DGKB: variants seen among roughly 807,000 people sequenced by gnomAD.
DGKB encodes diacylglycerol kinase beta.
DGKB carries 67 observed loss-of-function variants against 114.3 expected under a neutral mutation model. That is an observed-to-expected ratio of 0.59 (90% confidence interval 0.48 to 0.72). The LOEUF (loss-of-function observed/expected upper bound fraction) is 0.72, where lower values mean the gene tolerates loss of function less well. Ranked by LOEUF, DGKB falls within the 30% of genes least tolerant of loss-of-function variation. DGKB has a pLI of 0.00. For synonymous variants in DGKB, 398 were observed against 323.1 expected (o/e 1.23, Z -2.49); for missense variants, 907 against 975.2 (o/e 0.93, Z 0.93).
chr7:14,774,064 T>C (rs769998575), intron 2 of DGKB, among the ~76,000 whole-genome samples: 1 of 152,150 alleles, frequency 6.6e-6, no homozygotes, highest in African/African-American at 2.4e-5. Flanking sequence ...ACTCCATTAG[T>C]GTTATTTATT....
chr7:14,302,523 A>G lies in DGKB; in HGVS notation c.2122+35992T>C, dbSNP rs139210570. Among the ~76,000 whole-genome samples, 70 of 152,094 alleles carry G rather than the reference A, an allele frequency of 4.6e-4. 1 individual carries two copies. The East Asian group carries it at 0.012, about 27-fold the overall frequency. On this transcript the variant is annotated intron_variant, in intron 23 of 25. Coordinates refer to ENST00000402815, the MANE Select transcript of DGKB (RefSeq NM_001350709.2). ...CTGGAAACAGCCTGCCCCCGGCCCCATTGCTCGTTTTACTCTAGGTACATG... is the reference window on the plus strand; with the variant it reads ...CTGGAAACAGCCTGCCCCCGGCCCCGTTGCTCGTTTTACTCTAGGTACATG...
At chr7:14,424,188 G>C (rs1191947077) in intron 21 of DGKB, among the ~76,000 whole-genome samples, 1 of 151,876 alleles carries the variant, frequency 6.6e-6, no homozygotes, top group Non-Finnish European at 1.5e-5. Flanking sequence ...CTATCTCTGG[G>C]GTCATGTGTG....
intron 2 of DGKB, among the ~76,000 whole-genome samples, chr7:14,784,609 T>G (rs550045318): frequency 6.6e-6 from 1 of 152,302 alleles, no homozygotes; most frequent in East Asian, 1.9e-4. Context: ...CCTCCTGGCC[T>G]CAAGCAATCT....
intron 2 of DGKB, among the ~76,000 whole-genome samples, chr7:14,801,948 G>GCA (rs1227244463): frequency 8.0e-4 from 86 of 106,920 alleles, no homozygotes; most frequent in African/African-American, 3.5e-3. Context: ...ACACACACAC[G>GCA]CACACACATA....
intron 2 of DGKB, among the ~76,000 whole-genome samples, chr7:14,806,470 C>T (rs966888347): frequency 6.6e-6 from 1 of 151,872 alleles, no homozygotes; most frequent in African/African-American, 2.4e-5. Flanking sequence ...TATGTAATTT[C>T]AAATTGAGAA....
At position 14,938,712 on chromosome 7, in the gene DGKB, T is replaced by C. The variant is rs192584666; in HGVS notation, c.-188+35984A>G. On this transcript the variant is annotated intron_variant, in intron 1 of 4. Coordinates refer to the DGKB transcript ENST00000437998. Reference sequence around the variant, plus strand: ...GCAAAAGACAGAATTGAAAACATATTGTGAGTTAAAAGTCAATGTATTAGG... The same window carrying C: ...GCAAAAGACAGAATTGAAAACATATCGTGAGTTAAAAGTCAATGTATTAGG... 6.6e-5 allele frequency among the ~76,000 whole-genome samples: 10 copies of C among 152,284 alleles called. No individual in the cohort carries two copies. In the East Asian group the frequency reaches 1.7e-3, roughly 26 times the overall value.
intron 5 of DGKB, among the ~76,000 whole-genome samples, chr7:14,734,718 A>G (rs1172616059): frequency 3.3e-5 from 5 of 152,128 alleles, no homozygotes; most frequent in African/African-American, 1.2e-4. Flanking sequence ...GTTAACAGGT[A>G]GTGGTTTGAT....
At chr7:14,252,837 T>C (rs891160658) in intron 23 of DGKB, among the ~76,000 whole-genome samples, 4 of 152,188 alleles carry the variant, frequency 2.6e-5, no homozygotes, top group Admixed American at 1.3e-4. Context: ...TTCTTTCCCA[T>C]GTGGAGGATA....
chr7:14,919,638 T>G (rs1013042106), intron 1 of DGKB, among the ~76,000 whole-genome samples: 16 of 152,256 alleles, frequency 1.1e-4, no homozygotes, highest in Admixed American at 2.6e-4. Context: ...AAGTAAACTA[T>G]GGTACATCTC....
At chr7:14,824,917 G>T (rs1165279907) in intron 2 of DGKB, among the ~76,000 whole-genome samples, 1 of 148,750 alleles carries the variant, frequency 6.7e-6, no homozygotes, top group Non-Finnish European at 1.5e-5. Flanking sequence ...TGATTTGCTG[G>T]ACACATAAAC....
chr7:14,430,753 T>C (rs1232237615), intron 21 of DGKB, among the ~76,000 whole-genome samples: 1 of 152,192 alleles, frequency 6.6e-6, no homozygotes, highest in Non-Finnish European at 1.5e-5. Flanking sequence ...ATATAACTAC[T>C]TTCACATTTC....
At chr7:14,690,913 T>C (rs556213469) in intron 9 of DGKB, among the ~76,000 whole-genome samples, 1 of 152,300 alleles carries the variant, frequency 6.6e-6, no homozygotes, top group Non-Finnish European at 1.5e-5. Context: ...GCCATCCAAA[T>C]TCTCAATTTT....
intron 23 of DGKB, among the ~76,000 whole-genome samples, chr7:14,302,552 T>C (rs1161291749): frequency 6.6e-6 from 1 of 152,134 alleles, no homozygotes; most frequent in Non-Finnish European, 1.5e-5. Flanking sequence ...GTACATGGAA[T>C]TCCTTGCTCT....
At chr7:14,602,481 G>C (rs1281255796) in intron 17 of DGKB, among the ~76,000 whole-genome samples, 1 of 152,116 alleles carries the variant, frequency 6.6e-6, no homozygotes, top group Admixed American at 6.6e-5. Context: ...TGGGAGGTGG[G>C]GTACTGAGGA....
chr7:14,954,974 C>T (rs543099133), intron 1 of DGKB, among the ~76,000 whole-genome samples: 3 of 152,038 alleles, frequency 2.0e-5, no homozygotes, highest in African/African-American at 7.2e-5. Context: ...CCTGAACAAA[C>T]TTCAACATTA....
chr7:14,783,514 C>T (rs1839422760), intron 2 of DGKB, among the ~76,000 whole-genome samples: 1 of 152,210 alleles, frequency 6.6e-6, no homozygotes, highest in African/African-American at 2.4e-5. Flanking sequence ...GAAGCCATTT[C>T]ATCCTGCTTT....
At chr7:14,771,687 CA>C (rs1338500172) in intron 2 of DGKB, among the ~76,000 whole-genome samples, 1 of 151,894 alleles carries the variant, frequency 6.6e-6, no homozygotes, top group East Asian at 1.9e-4. Flanking sequence ...GGGAAAAAAT[CA>C]AAATATATTT....
intron 1 of DGKB, among the ~76,000 whole-genome samples, chr7:14,911,087 T>C (rs1783978968): frequency 2.0e-5 from 3 of 152,094 alleles, no homozygotes; most frequent in African/African-American, 7.2e-5. Flanking sequence ...TTAATATATA[T>C]ATATTGACCT....
Position 14,700,375 on chromosome 7 carries a change from C to T in DGKB, c.516+1306G>A, listed in dbSNP as rs562612048. ...ATTACAGGTGCCCACTACCACGCCTCGATAATTTTTGTATTTTTAGTAGAG... is the reference window on the plus strand; with the variant it reads ...ATTACAGGTGCCCACTACCACGCCTTGATAATTTTTGTATTTTTAGTAGAG... On this transcript the variant is annotated intron_variant, in intron 7 of 25. Coordinates refer to ENST00000402815, the MANE Select transcript of DGKB (RefSeq NM_001350709.2). 2.2e-4 allele frequency among the ~76,000 whole-genome samples: 33 copies of T among 151,750 alleles called. No individual in the cohort carries two copies. In the South Asian group the frequency reaches 5.6e-3, roughly 26 times the overall value.
Sources: gnomAD v4.1 joint callset for allele counts (sites outside exome capture counted in the v4.1 genomes callset) on GRCh38, gnomAD v4.1.1 for gene constraint, MANE v1.5 for transcripts, NCBI Gene and HGNC (gene_info 2026-07-23, HGNC 2026-07-21) for gene names.